DENND5B: variants seen among roughly 807,000 people sequenced by gnomAD.
The protein encoded by DENND5B is DENN domain containing 5B, also known as DENN domain-containing protein 5B.
Under a neutral mutation model 140.6 loss-of-function variants are expected in DENND5B, and 34 were observed. That is an observed-to-expected ratio of 0.24 (90% CI 0.18 to 0.32). The LOEUF (loss-of-function observed/expected upper bound fraction) is 0.32. Among genes scored for constraint, DENND5B ranks in the 10% least tolerant of loss-of-function variants. The pLI, the probability that DENND5B is intolerant of heterozygous loss-of-function variation, is 1.00. For synonymous variants in DENND5B, 551 were observed against 562.1 expected (o/e 0.98, Z 0.28); for missense variants, 1,142 against 1,560.2 (o/e 0.73, Z 4.52).
chr12:31,474,754 C>A (rs530678581), intron 3 of DENND5B, among the ~76,000 whole-genome samples: 1 of 152,264 alleles, frequency 6.6e-6, no homozygotes, highest in African/African-American at 2.4e-5. Context: ...TAAAGGAGGG[C>A]ACCCAAGTAC....
chr12:31,502,829 A>G (rs1432844318), intron 1 of DENND5B, among the ~76,000 whole-genome samples: 1 of 152,246 alleles, frequency 6.6e-6, no homozygotes, highest in African/African-American at 2.4e-5. Flanking sequence ...AAGGGCTGAG[A>G]AAGCTGCCTA....
chr12:31,535,010 G>A (rs1948431662), intron 1 of DENND5B: 2 of 239,932 alleles, frequency 8.3e-6, no homozygotes, highest in African/African-American at 4.9e-5. Context: ...GGAGGTGGAG[G>A]TTGCAGTGAG....
intron 11 of DENND5B, among the ~76,000 whole-genome samples, chr12:31,415,842 CT>C (rs375221964): frequency 0.01 from 1,560 of 149,096 alleles, 26 homozygotes; most frequent in African/African-American, 0.037. Context: ...ATTTTCTTTT[CT>C]TTTTTTTTTG....
rs534341127 is a variant in DENND5B at position 31,555,186 on chromosome 12, T to C, written c.127+35520A>G. 1.1e-4 allele frequency among the ~76,000 whole-genome samples: 17 copies of C among 152,320 alleles called. No individual in the cohort carries two copies. The South Asian group carries it at 3.3e-3, about 30-fold the overall frequency. On this transcript the variant is annotated intron_variant, in intron 1 of 20. Coordinates refer to ENST00000389082, the MANE Select transcript of DENND5B (RefSeq NM_144973.4). ...TGTTTTTTTCCCATCTTTGTGGTTT[T>C]ATCTACCTTTGGACTTTGATGATGG...
intron 2 of DENND5B, among the ~76,000 whole-genome samples, chr12:31,481,500 A>G (rs968283602): frequency 6.6e-6 from 1 of 152,228 alleles, no homozygotes; most frequent in African/African-American, 2.4e-5. Context: ...TAATAGTAGG[A>G]AGACACACAT....
chr12:31,506,221 A>G (rs1947195355), intron 1 of DENND5B: 1 of 152,214 alleles, frequency 6.6e-6, no homozygotes, highest in African/African-American at 2.4e-5. Context: ...CCTCTTGATT[A>G]CATCAAAATT....
At chr12:31,588,125 C>G (rs369786687) in intron 1 of DENND5B, among the ~76,000 whole-genome samples, 39 of 152,296 alleles carry the variant, frequency 2.6e-4, no homozygotes, top group African/African-American at 8.9e-4. Context: ...CTTGCTGTTA[C>G]CAGCACAAAC....
chr12:31,549,723 A>T lies in DENND5B; in HGVS notation c.127+40983T>A, dbSNP rs539215096. ...CCCATCCCAACCTCCAACAGACCCCAGTGTGTGTTGTTCCCCTCCCTGTGT... is the reference window on the plus strand; with the variant it reads ...CCCATCCCAACCTCCAACAGACCCCTGTGTGTGTTGTTCCCCTCCCTGTGT... On this transcript the variant is annotated intron_variant, in intron 1 of 20. Coordinates refer to ENST00000389082, the MANE Select transcript of DENND5B (RefSeq NM_144973.4). Among the ~76,000 whole-genome samples the T allele has an allele frequency of 4.6e-5, 7 of 152,076 alleles. No homozygotes were observed. The South Asian group carries it at 1.2e-3, about 27-fold the overall frequency.
intron 3 of DENND5B, among the ~76,000 whole-genome samples, chr12:31,460,610 T>C (rs563624858): frequency 1.4e-3 from 180 of 130,646 alleles, no homozygotes; most frequent in African/African-American, 6.8e-3. Flanking sequence ...ATCACACTCT[T>C]TGCTTCTTAA....
chr12:31,557,535 G>C (rs1949330090), intron 1 of DENND5B, among the ~76,000 whole-genome samples: 3 of 151,748 alleles, frequency 2.0e-5, no homozygotes, highest in Non-Finnish European at 4.4e-5. Flanking sequence ...GTATGCACCA[G>C]CACACTAGGC....
chr12:31,430,497 C>CAAAAA (rs71062432), intron 8 of DENND5B, among the ~76,000 whole-genome samples: 9 of 56,058 alleles, frequency 1.6e-4, no homozygotes, highest in African/African-American at 4.5e-4. Flanking sequence ...ACTAAAAATA[C>CAAAAA]AAAAAAAAAA....
chr12:31,399,764 G>A lies in DENND5B; in HGVS notation c.2958C>T (p.Asn986=). ...TCTGAACAGTGGTCAGCTTCCCCAA[G>A]TTCTGGCACTGTAGGGACAGGACCT... ...NLLEMTFECQ[N]LGKLTTVQIG... The change falls in exon 16 of 21, where the codon AAC becomes AAT. Residue 986 remains asparagine, a synonymous_variant. Transcript: ENST00000389082. 6.2e-7 allele frequency: 1 copy of A among 1,613,432 alleles called. No homozygotes were observed. Among genetic ancestry groups the A allele is most frequent in the East Asian group, 2.2e-5 (1 of 44,852 alleles).
At chr12:31,512,901 A>G (rs1947483166) in intron 1 of DENND5B, among the ~76,000 whole-genome samples, 2 of 152,242 alleles carry the variant, frequency 1.3e-5, no homozygotes, top group African/African-American at 4.8e-5. Flanking sequence ...ATTAACGACC[A>G]GTATTTGGTA....
chr12:31,580,199 T>G (rs1267686), intron 1 of DENND5B, among the ~76,000 whole-genome samples: 1 of 151,934 alleles, frequency 6.6e-6, no homozygotes, highest in Non-Finnish European at 1.5e-5. Context: ...TTGGCACTAG[T>G]TTATAAATAA....
rs571520810 is a variant in DENND5B at position 31,490,656 on chromosome 12, T to C, written c.237+5154A>G. ...TTGTGAGCTTGAACCTAAACTTGGC[T>C]CAAAATGAGGGCTTATCTTCATTCT... On this transcript the variant is annotated intron_variant, in intron 2 of 20. Coordinates refer to ENST00000389082, the MANE Select transcript of DENND5B (RefSeq NM_144973.4). Among the ~76,000 whole-genome samples the C allele has an allele frequency of 2.0e-5, 3 of 152,178 alleles. No individual in the cohort carries two copies. In the South Asian group the frequency reaches 6.2e-4, roughly 32 times the overall value.
chr12:31,514,554 G>C (rs891604606), intron 1 of DENND5B, among the ~76,000 whole-genome samples: 2 of 152,148 alleles, frequency 1.3e-5, no homozygotes, highest in Admixed American at 6.5e-5. Context: ...AGTGGCTCAC[G>C]CCTGTAATCA....
chr12:31,487,470 G>C (rs1170488265), intron 2 of DENND5B, among the ~76,000 whole-genome samples: 1 of 152,118 alleles, frequency 6.6e-6, no homozygotes, highest in African/African-American at 2.4e-5. Context: ...GGCTGAGACG[G>C]GTGGATTGCC....
At chr12:31,577,861 C>T (rs1405148901) in intron 1 of DENND5B, among the ~76,000 whole-genome samples, 2 of 151,858 alleles carry the variant, frequency 1.3e-5, no homozygotes, top group African/African-American at 2.4e-5. Context: ...CAGTGGCTCA[C>T]GCCTGTAAAC....
intron 8 of DENND5B, chr12:31,432,888 A>T: frequency 5.6e-6 from 2 of 358,626 alleles, no homozygotes; most frequent in Non-Finnish European, 1.0e-5. Flanking sequence ...TAGTAACTAA[A>T]AATTTATCCT....
Sources: allele counts gnomAD v4.1 joint callset (sites outside exome capture counted in the v4.1 genomes callset), GRCh38; gene constraint gnomAD v4.1.1; transcripts MANE v1.5; gene names NCBI Gene and HGNC (gene_info 2026-07-23, HGNC 2026-07-21).